The following AUTS2 variants were observed in gnomAD, a reference collection of about 807,000 sequenced individuals.
AUTS2 encodes the protein activator of transcription and developmental regulator AUTS2.
A neutral mutation model predicts 112.4 loss-of-function variants in AUTS2; 17 were observed. That is an observed-to-expected ratio of 0.15 (90% confidence interval 0.10 to 0.23). The LOEUF (loss-of-function observed/expected upper bound fraction) is 0.23, where lower values mean the gene tolerates loss of function less well. Ranked by LOEUF, AUTS2 falls within the 10% of genes least tolerant of loss-of-function variation. AUTS2 has a pLI of 1.00. For synonymous variants in AUTS2, 751 were observed against 702.7 expected (o/e 1.07, Z -1.09); for missense variants, 1,510 against 1,701.6 (o/e 0.89, Z 1.98).
chr7:69,777,004 C>A (rs1467489043), intron 1 of AUTS2, among the ~76,000 whole-genome samples: 4 of 152,086 alleles, frequency 2.6e-5, no homozygotes, highest in Non-Finnish European at 5.9e-5. Flanking sequence ...CTCAGGGAGC[C>A]CTTATTTGAG....
chr7:69,961,499 T>C (rs1797429326), intron 2 of AUTS2, among the ~76,000 whole-genome samples: 1 of 152,166 alleles, frequency 6.6e-6, no homozygotes, highest in Non-Finnish European at 1.5e-5. Flanking sequence ...TGTTGTTAGT[T>C]GTAATCTCAG....
chr7:70,319,763 C>G (rs1790165636), intron 4 of AUTS2, among the ~76,000 whole-genome samples: 2 of 152,170 alleles, frequency 1.3e-5, no homozygotes, highest in African/African-American at 4.8e-5. Flanking sequence ...CTGGAAGACA[C>G]TAACACAAAC....
At chr7:70,604,616 G>A (rs982018373) in intron 5 of AUTS2, among the ~76,000 whole-genome samples, 17 of 152,214 alleles carry the variant, frequency 1.1e-4, no homozygotes, top group African/African-American at 2.7e-4. Flanking sequence ...ATTAGAGAAC[G>A]TCAGAGCTTG....
chr7:70,762,897 C>T lies in AUTS2; in HGVS notation c.770C>T (p.Pro257Leu), dbSNP rs200108105. ...KDPELGVGTL[P>L]EHDSQDAGPI... is the part of the protein sequence containing the mutation. ...CCGGAGTTAGGTGTTGGCACGCTACCAGAACATGACAGCCAGGATGCAGGG... is the reference window on the plus strand; with the variant it reads ...CCGGAGTTAGGTGTTGGCACGCTACTAGAACATGACAGCCAGGATGCAGGG... Residue 257 changes from proline to leucine, a missense_variant, in exon 7 of 19, where the codon CCA (proline) becomes CTA (leucine). By Grantham distance (98) the Pro-to-Leu change is moderately conservative (BLOSUM62 -3). Transcript: ENST00000342771. 3.1e-6 allele frequency: 5 copies of T among 1,613,954 alleles called. No individual in the cohort carries two copies. In the South Asian group the frequency reaches 5.5e-5, roughly 18 times the overall value.
chr7:70,083,933 C>T (rs916400425), intron 2 of AUTS2, among the ~76,000 whole-genome samples: 3 of 151,892 alleles, frequency 2.0e-5, no homozygotes, highest in South Asian at 2.1e-4. Flanking sequence ...GGTGATAGAG[C>T]GAGATTCCAT....
At chr7:70,454,259 G>C (rs1232415064) in intron 5 of AUTS2, among the ~76,000 whole-genome samples, 2 of 152,178 alleles carry the variant, frequency 1.3e-5, no homozygotes, top group East Asian at 3.9e-4. Context: ...TAAAGGCCAG[G>C]TGTGGTGTCT....
chr7:70,772,709 T>C (rs1226431948), intron 11 of AUTS2, among the ~76,000 whole-genome samples: 1 of 152,238 alleles, frequency 6.6e-6, no homozygotes, highest in South Asian at 2.1e-4. Flanking sequence ...ATTCAGTTCA[T>C]CTATTGAATT....
intron 3 of AUTS2, among the ~76,000 whole-genome samples, chr7:70,133,750 CA>C (rs1340536963): frequency 6.6e-6 from 1 of 152,060 alleles, no homozygotes; most frequent in African/African-American, 2.4e-5. Context: ...AAAAAAGAAA[CA>C]AAAATCAGAA....
At chr7:70,530,487 G>T (rs190641699) in intron 5 of AUTS2, among the ~76,000 whole-genome samples, 1 of 152,072 alleles carries the variant, frequency 6.6e-6, no homozygotes, top group Non-Finnish European at 1.5e-5. Flanking sequence ...GCTTCTGTGC[G>T]GCACAGATAG....
chr7:70,565,109 A>G (rs1002817682), intron 5 of AUTS2, among the ~76,000 whole-genome samples: 1 of 152,192 alleles, frequency 6.6e-6, no homozygotes, highest in African/African-American at 2.4e-5. Flanking sequence ...AAAAATAAAT[A>G]AATAAATAAA....
chr7:69,976,764 C>CT (rs1380643581), intron 2 of AUTS2, among the ~76,000 whole-genome samples: 2 of 152,090 alleles, frequency 1.3e-5, no homozygotes, highest in East Asian at 3.8e-4. Context: ...TCTATTCAAA[C>CT]TTTTTTTCAT....
chr7:70,667,131 A>G (rs926555517), intron 5 of AUTS2, among the ~76,000 whole-genome samples: 8 of 152,210 alleles, frequency 5.3e-5, no homozygotes, highest in Non-Finnish European at 1.0e-4. Context: ...TTAAAAGCTC[A>G]TGTTAAATTG....
chr7:69,873,550 G>A (rs548680887), intron 1 of AUTS2, among the ~76,000 whole-genome samples: 1 of 152,042 alleles, frequency 6.6e-6, no homozygotes, highest in Admixed American at 6.6e-5. Context: ...GATCTAGGCA[G>A]ATGAACACAG....
chr7:70,165,110 C>T (rs146389623), intron 4 of AUTS2, among the ~76,000 whole-genome samples: 2,322 of 151,890 alleles, frequency 0.015, 21 homozygotes, highest in Middle Eastern at 0.037. Context: ...AGACTTGATA[C>T]GATAGAGGAA....
intron 1 of AUTS2, among the ~76,000 whole-genome samples, chr7:69,666,654 C>T (rs1375304141): frequency 6.6e-6 from 1 of 152,144 alleles, no homozygotes; most frequent in African/African-American, 2.4e-5. Context: ...GTAATCCCAA[C>T]ACTTTGAGAG....
intron 4 of AUTS2, among the ~76,000 whole-genome samples, chr7:70,423,217 A>G (rs904935769): frequency 6.6e-6 from 1 of 152,180 alleles, no homozygotes; most frequent in African/African-American, 2.4e-5. Flanking sequence ...TTCTCTCAGC[A>G]AATCCCCATT....
chr7:70,065,379 G>C, intron 2 of AUTS2, among the ~76,000 whole-genome samples: 1 of 152,126 alleles, frequency 6.6e-6, no homozygotes. Context: ...TTCCTGAATT[G>C]TTTTTTAAAA....
At chr7:70,479,892 G>A (rs1797723279) in intron 5 of AUTS2, among the ~76,000 whole-genome samples, 1 of 152,196 alleles carries the variant, frequency 6.6e-6, no homozygotes. Flanking sequence ...GGTAAGTGCA[G>A]GACAGATAGA....
At chr7:70,654,111 C>T (rs1443585137) in intron 5 of AUTS2, among the ~76,000 whole-genome samples, 11 of 152,030 alleles carry the variant, frequency 7.2e-5, no homozygotes, top group Non-Finnish European at 5.9e-5. Context: ...CATAATAAGC[C>T]AGAAATCACT....
Sources: gnomAD v4.1 joint callset for allele counts (sites outside exome capture counted in the v4.1 genomes callset) on GRCh38, gnomAD v4.1.1 for gene constraint, MANE v1.5 for transcripts, NCBI Gene and HGNC (gene_info 2026-07-23, HGNC 2026-07-21) for gene names.